Variants in SERPINA9 observed in about 807,000 individuals in gnomAD.
SERPINA9 encodes serpin A9.
SERPINA9 carries 32 observed loss-of-function variants against 24.5 expected under a neutral mutation model. The observed-to-expected ratio is 1.30, with a 90% CI of 0.98 to 1.75. SERPINA9 has a LOEUF of 1.75. Ranked by LOEUF, SERPINA9 falls within the 40% of genes most tolerant of loss-of-function variation. The pLI is 0.00. For synonymous variants in SERPINA9, 233 were observed against 197.7 expected, an observed-to-expected ratio of 1.18 and a Z score of -1.50; for missense variants, 594 against 497.1, an observed-to-expected ratio of 1.19 and a Z score of -1.85.
intron 1 of SERPINA9, among the ~76,000 whole-genome samples, chr14:94,475,247 T>C (rs551766139): frequency 2.9e-4 from 44 of 152,318 alleles, no homozygotes; most frequent in African/African-American, 1.1e-3. Flanking sequence ...TCGTCCACTG[T>C]GGGTTCCCAA....
chr14:94,476,039 G>C (rs1595675602), intron 1 of SERPINA9, 97 bp downstream of exon 1: 3 of 1,571,760 alleles, frequency 1.9e-6, no homozygotes, highest in Admixed American at 1.7e-5. Flanking sequence ...TGACTTCCCA[G>C]CTGCATTTGA....
Position 94,467,211 on chromosome 14 carries a change from G to T in SERPINA9, c.800C>A (p.Ala267Asp). The T allele has an allele frequency of 6.2e-7, 1 of 1,614,198 alleles. No individual in the cohort carries two copies. Residue 267 changes from alanine (A) to aspartate (D), a missense_variant, in exon 3 of 5, where the codon GCC becomes GAC. Coordinates refer to ENST00000674397, the MANE Select transcript of SERPINA9 (RefSeq NM_175739.4). ...GCTAGGGAGGACAAAGAAGGCCACGGCATCTCCCTTGTAATCCATCTGCAG... is the reference window on the plus strand; with the variant it reads ...GCTAGGGAGGACAAAGAAGGCCACGTCATCTCCCTTGTAATCCATCTGCAG... ...FVLQMDYKGD[A>D]VAFFVLPSKG...
chr14:94,467,861 G>C (rs1899088951), intron 2 of SERPINA9, among the ~76,000 whole-genome samples: 1 of 151,806 alleles, frequency 6.6e-6, no homozygotes, highest in Admixed American at 6.6e-5. Context: ...GAATAGATTA[G>C]TGGATAGGTG....
chr14:94,469,026 T>C (rs1227093864), intron 2 of SERPINA9, among the ~76,000 whole-genome samples, 187 bp downstream of exon 2: 1 of 152,192 alleles, frequency 6.6e-6, no homozygotes, highest in Non-Finnish European at 1.5e-5. Flanking sequence ...GAGTCCCTAC[T>C]GTAACTGGTA....
intron 1 of SERPINA9, chr14:94,475,904 C>T (rs1899614830): frequency 5.2e-6 from 3 of 578,050 alleles, no homozygotes; most frequent in South Asian, 2.4e-5. Context: ...GCTGTGTATT[C>T]ATGGTCTCTG....
At chr14:94,472,915 A>T (rs1027520432) in intron 1 of SERPINA9, among the ~76,000 whole-genome samples, 1 of 152,194 alleles carries the variant, frequency 6.6e-6, no homozygotes, top group Middle Eastern at 3.2e-3. Context: ...TCTGACACAG[A>T]TTTCAGCACC....
intron 2 of SERPINA9, 148 bp downstream of exon 2, chr14:94,469,065 A>G (rs1161258518): frequency 1.5e-6 from 1 of 674,142 alleles, no homozygotes; most frequent in Non-Finnish European, 2.5e-6. Context: ...TCCTGCAGCC[A>G]GCTAATTGCA....
At chr14:94,472,319 C>T (rs1409274165) in intron 1 of SERPINA9, among the ~76,000 whole-genome samples, 2 of 152,294 alleles carry the variant, frequency 1.3e-5, no homozygotes, top group South Asian at 2.1e-4. Context: ...CCTTCCTTTG[C>T]TAATGGAAAA....
chr14:94,470,041 T>C (rs1290993810), intron 1 of SERPINA9, 184 bp from the exon 2 acceptor site: 6 of 642,592 alleles, frequency 9.3e-6, no homozygotes, highest in Admixed American at 3.7e-5. Flanking sequence ...TATTGCTGTT[T>C]TACTTGCAAA....
intron 1 of SERPINA9, among the ~76,000 whole-genome samples, chr14:94,472,139 C>A (rs1350444848): frequency 6.6e-6 from 1 of 151,978 alleles, no homozygotes; most frequent in Non-Finnish European, 1.5e-5. Context: ...TGAGAGTTGA[C>A]TGCTTCCCCT....
At chr14:94,463,584 A>G (rs981951747) in intron 4 of SERPINA9, among the ~76,000 whole-genome samples, 11 of 152,234 alleles carry the variant, frequency 7.2e-5, no homozygotes, top group Non-Finnish European at 5.9e-5. Context: ...TGCGTGCTTC[A>G]GGTTCCCGAT....
At chr14:94,470,301 AT>A (rs769434090) in intron 1 of SERPINA9, 27 of 647,228 alleles carry the variant, frequency 4.2e-5, no homozygotes, top group Admixed American at 1.8e-4. Flanking sequence ...AGATCTGATT[AT>A]TTTCTCACCC....
Position 94,464,782 on chromosome 14 carries a change from C to A in SERPINA9, c.975G>T (p.Met325Ile), listed in dbSNP as rs983686317. The change falls in exon 4 of 5, where the codon ATG (methionine) becomes ATT (isoleucine). Residue 325 changes from methionine (M) to isoleucine (I), a missense_variant. Physicochemically the swap from Met to Ile is conservative, Grantham distance 10. Coordinates refer to ENST00000674397, the MANE Select transcript of SERPINA9 (RefSeq NM_175739.4). ...SYNLETILPK[M>I]GIQNVFDKNA... ...TTTTGTCAAAGACATTTTGGATGCCCATCTTCGGGAGGATGGTTTCCAGAT... is the reference window on the plus strand; with the variant it reads ...TTTTGTCAAAGACATTTTGGATGCCAATCTTCGGGAGGATGGTTTCCAGAT... 2 of 1,612,916 alleles carry A rather than the reference C, an allele frequency of 1.2e-6. No homozygotes were observed. Among genetic ancestry groups the A allele is most frequent in the South Asian group, 1.1e-5 (1 of 91,066 alleles).
rs1338128016 is a variant in SERPINA9 at position 94,469,641 on chromosome 14, T to C, written c.200A>G (p.Asn67Ser). 5 of 1,613,902 alleles carry C rather than the reference T, an allele frequency of 3.1e-6. No individual in the cohort carries two copies. In the African/African-American group the frequency reaches 6.7e-5, roughly 22 times the overall value. The change falls in exon 2 of 5, where the codon AAC (asparagine) becomes AGC (serine). Residue 67 changes from asparagine (N) to serine (S), a missense_variant. Asn to Ser is a conservative substitution (Grantham distance 46, BLOSUM62 1). Transcript: ENST00000674397. The part of the protein sequence containing the change: ...RRLVLETPSQ[N>S]IFFSPVSVST... ...GACACTCACAGGGGAGAAGAAGATG[T>C]TCTGACTCGGGGTCTCCAAAACCAG...
At chr14:94,465,552 G>A (rs1898964573) in intron 3 of SERPINA9, among the ~76,000 whole-genome samples, 1 of 151,668 alleles carries the variant, frequency 6.6e-6, no homozygotes, top group Non-Finnish European at 1.5e-5. Context: ...TTTTAAGATG[G>A]AGTCTCACTC....
Position 94,473,180 on chromosome 14 carries a change from T to A in SERPINA9, c.-18+2956A>T, listed in dbSNP as rs2139820221. Among the ~76,000 whole-genome samples the A allele has an allele frequency of 1.3e-5, 2 of 152,322 alleles. 1 individual carries two copies. Among genetic ancestry groups the A allele is most frequent in the South Asian group, 4.1e-4 (2 of 4,828 alleles). ...AAAAGTGCCCAATGTATGGGCTCAGTAGACACTTGGTGTGCTGCCCTGAGA... is the reference window on the plus strand; with the variant it reads ...AAAAGTGCCCAATGTATGGGCTCAGAAGACACTTGGTGTGCTGCCCTGAGA... On this transcript the variant is annotated intron_variant, in intron 1 of 4. Coordinates refer to ENST00000674397, the MANE Select transcript of SERPINA9 (RefSeq NM_175739.4).
Position 94,463,100 on chromosome 14 carries a change from T to A in SERPINA9, c.1247A>T (p.Lys416Ile), listed in dbSNP as rs377392216. 5 of 1,613,180 alleles carry A rather than the reference T, an allele frequency of 3.1e-6. No homozygotes were observed. The African/African-American group carries it at 4.0e-5, about 13-fold the overall frequency. The change falls in exon 5 of 5, where the codon AAA becomes ATA. Residue 416 changes from lysine (K) to isoleucine (I), a missense_variant. Physicochemically the swap from Lys to Ile is moderately radical, Grantham distance 102. Transcript: ENST00000674397. ...LFLGKVENPT[K>I]S ...TAACAGGCCATTTCCCACCTAGGAT[T>A]TAGTGGGATTTTCCACTTTCCCTAG...
chr14:94,469,417 G>C lies in SERPINA9; in HGVS notation c.424C>G (p.Leu142Val). ...MGSALFVKKELQLQANFLGNV... is the reference protein window; with the variant it reads ...MGSALFVKKEVQLQANFLGNV... ...CCCAAGAAATTTGCCTGCAGCTGCA[G>C]CTCCTTCTTGACGAAGAGGGCACTT... The change falls in exon 2 of 5, where the codon CTG becomes GTG. Residue 142 changes from leucine (L) to valine (V), a missense_variant. Physicochemically the swap from Leu to Val is conservative, Grantham distance 32 (BLOSUM62 1). Coordinates refer to ENST00000674397, the MANE Select transcript of SERPINA9 (RefSeq NM_175739.4). 6.2e-7 allele frequency: 1 copy of C among 1,613,914 alleles called. No individual in the cohort carries two copies. The highest frequency in any genetic ancestry group is 8.5e-7 in the Non-Finnish European group (1 of 1,180,036).
chr14:94,469,192 A>G, intron 2 of SERPINA9, 21 bp downstream of exon 2: 1 of 1,582,574 alleles, frequency 6.3e-7, no homozygotes, highest in South Asian at 1.1e-5. Flanking sequence ...ATAAATAAAA[A>G]TCAACTTCTC....
Sources: gnomAD v4.1 joint callset for allele counts (sites outside exome capture counted in the v4.1 genomes callset) on GRCh38, gnomAD v4.1.1 for gene constraint, MANE v1.5 for transcripts, NCBI Gene and HGNC (gene_info 2026-07-23, HGNC 2026-07-21) for gene names.